Variants in FAM76B observed in about 807,000 individuals in gnomAD.
FAM76B encodes protein FAM76B.
A neutral mutation model predicts 51.8 loss-of-function variants in FAM76B; 16 were observed. The observed-to-expected ratio is 0.31, with a 90% CI of 0.21 to 0.47. The LOEUF is 0.47. FAM76B is among the 20% of genes least tolerant of loss of function. The pLI, the probability that FAM76B is intolerant of heterozygous loss-of-function variation, is 1.00. For missense variants in FAM76B, 342 were observed against 392.6 expected, an observed-to-expected ratio of 0.87 and a Z score of 1.09; for synonymous variants, 166 against 129.5, an observed-to-expected ratio of 1.28 and a Z score of -1.91.
intron 7 of FAM76B, chr11:95,779,267 A>G (rs1591015764): frequency 2.9e-6 from 2 of 695,122 alleles, no homozygotes; most frequent in Admixed American, 2.8e-5. Flanking sequence ...CGCTCATAAT[A>G]TTTTTAATCT....
chr11:95,788,481 A>C lies in FAM76B; in HGVS notation c.152+18T>G, dbSNP rs761305108. ...CAACACTTGTCTTTAACAGTCAAAAACTATTCAGTATACAAACCTCTCTTG... is the reference window on the plus strand; with the variant it reads ...CAACACTTGTCTTTAACAGTCAAAACCTATTCAGTATACAAACCTCTCTTG... On this transcript the variant is annotated intron_variant, in intron 2 of 9. Coordinates refer to ENST00000358780, the MANE Select transcript of FAM76B (RefSeq NM_144664.5). 11 of 1,583,894 alleles carry C rather than the reference A, an allele frequency of 6.9e-6. No individual in the cohort carries two copies. The highest frequency in any genetic ancestry group is 9.5e-6 in the Non-Finnish European group (11 of 1,154,468).
rs1860672311 is a variant in FAM76B, at chr11:95,787,604, A to C, written c.207+20T>G. ...AATATTAACTGGTAACAATGACATG[A>C]AAACATAAGACATACTTACCGTCCC... On this transcript the variant is annotated intron_variant, in intron 3 of 9. Transcript: ENST00000358780. The C allele has an allele frequency of 6.2e-7, 1 of 1,605,978 alleles. No individual in the cohort carries two copies. The highest frequency in any genetic ancestry group is 1.7e-4 in the Middle Eastern group (1 of 6,046).
At chr11:95,784,866 C>T (rs943948190) in intron 4 of FAM76B, among the ~76,000 whole-genome samples, 1 of 152,120 alleles carries the variant, frequency 6.6e-6, no homozygotes, top group Admixed American at 6.5e-5. Context: ...GGATTACAAG[C>T]ATGAGCCACC....
At chr11:95,782,910 AT>A (rs1189050457) in intron 5 of FAM76B, among the ~76,000 whole-genome samples, 154 bp downstream of exon 5, 15 of 152,248 alleles carry the variant, frequency 9.9e-5, no homozygotes, top group African/African-American at 3.6e-4. Flanking sequence ...TCTACACTGA[AT>A]AAAATGGAGA....
chr11:95,784,627 G>A (rs1340371541), intron 4 of FAM76B, among the ~76,000 whole-genome samples: 4 of 145,044 alleles, frequency 2.8e-5, no homozygotes, highest in African/African-American at 5.2e-5. Flanking sequence ...AGTCTCTGTC[G>A]CCCAGGCTGG....
rs200906102 is a variant in FAM76B at position 95,783,095 on chromosome 11, T to G, written c.533A>C (p.His178Pro). The change falls in exon 5 of 10, where the codon CAT becomes CCT. Residue 178 changes from histidine (H) to proline (P), a missense_variant. Transcript: ENST00000358780. ...HPKHHHHHHH[H>P]HHRHSSSHHK... ...ATGGCTACTGCTGTGACGATGGTGATGGTGATGATGGTGGTGATGATGTTT... is the reference window on the plus strand; with the variant it reads ...ATGGCTACTGCTGTGACGATGGTGAGGGTGATGATGGTGGTGATGATGTTT... 1.3e-4 allele frequency: 213 copies of G among 1,613,394 alleles called. 1 individual carries two copies. Among genetic ancestry groups the G allele is most frequent in the Non-Finnish European group, 1.7e-4 (203 of 1,179,594 alleles).
chr11:95,786,914 A>C (rs962445501), intron 3 of FAM76B: 1 of 152,348 alleles, frequency 6.6e-6, no homozygotes, highest in Non-Finnish European at 1.5e-5. Context: ...TACATATAAG[A>C]CAATTTGTAC....
In FAM76B at chr11:95,789,421, C is replaced by T; in HGVS notation, c.58G>A (p.Glu20Lys). ...CAGAGCTGCTGGCCCTGGGAGAGCT[C>T]CTCGAAAGGATAACGCTGGGTACAC... ...TKCTQRYPFE[E>K]LSQGQQLCKE... The change falls in exon 1 of 10, where the codon GAG becomes AAG. Residue 20 changes from glutamate to lysine, a missense_variant. By Grantham distance (56) the Glu-to-Lys change is moderately conservative. Transcript: ENST00000358780. The T allele has an allele frequency of 6.2e-7, 1 of 1,608,280 alleles. No individual in the cohort carries two copies. Among genetic ancestry groups the T allele is most frequent in the Non-Finnish European group, 8.5e-7 (1 of 1,177,590 alleles).
Position 95,788,585 on chromosome 11 carries a change from G to A in FAM76B, c.88-22C>T, listed in dbSNP as rs202181301. 18 of 1,597,868 alleles carry A rather than the reference G, an allele frequency of 1.1e-5. No homozygotes were observed. The Middle Eastern group carries it at 5.0e-4, about 44-fold the overall frequency. ...ATTCCTGTAATAAGACAATACATTA[G>A]TCAGTATCTTTCTGAAAGTCCCAAA... On this transcript the variant is annotated intron_variant, in intron 1 of 9. Coordinates refer to ENST00000358780, the MANE Select transcript of FAM76B (RefSeq NM_144664.5).
At chr11:95,773,093 C>G (rs932197026) in intron 9 of FAM76B, among the ~76,000 whole-genome samples, 1 of 149,862 alleles carries the variant, frequency 6.7e-6, no homozygotes, top group African/African-American at 2.4e-5. Context: ...TATACTGATA[C>G]AAAATAGTTA....
Position 95,771,515 on chromosome 11 carries a change from T to C in FAM76B, c.*46A>G, listed in dbSNP as rs757652925. ...TTTAAGGGCTTCACAGAATTTTTTT[T>C]CCCCAAATTTACATTGTAAGAAGAA... is the stretch of plus-strand genomic sequence containing the variant. On this transcript the variant is annotated 3_prime_UTR_variant, in exon 10 of 10. Transcript: ENST00000358780. 3.6e-5 allele frequency: 55 copies of C among 1,516,598 alleles called. No homozygotes were observed. Among genetic ancestry groups the C allele is most frequent in the Middle Eastern group, 1.8e-4 (1 of 5,630 alleles). The allele number at this position is 1,516,598 out of a possible 1,614,324, so 93.9% of individuals were successfully genotyped here.
chr11:95,771,441 AAC>A lies in FAM76B; in HGVS notation c.*118_*119del. On this transcript the variant is annotated 3_prime_UTR_variant, in exon 10 of 10. Transcript: ENST00000358780. ...ATATCAATTACAAAAGTGAACAGGA[AAC>A]ACACCAATTCATTTGGTGTGCAAAA... is the stretch of plus-strand genomic sequence containing the variant. 1 of 637,924 alleles carries A rather than the reference AAC, an allele frequency of 1.6e-6. No homozygotes were observed. Among genetic ancestry groups the A allele is most frequent in the Non-Finnish European group, 2.7e-6 (1 of 371,250 alleles). The allele number at this position is 637,924 out of a possible 1,614,324, so 39.5% of individuals were successfully genotyped here.
rs769720945 is a variant in FAM76B, at chr11:95,789,495, C to T, written c.-17G>A. On this transcript the variant is annotated 5_prime_UTR_variant, in exon 1 of 10. Coordinates refer to ENST00000358780, the MANE Select transcript of FAM76B (RefSeq NM_144664.5). ...GGCCGCCATCCTGCTCCTCAGTCTC[C>T]TCCTCCGCCGCCGCCCGCTCCGAGG... 1.3e-6 allele frequency: 2 copies of T among 1,583,626 alleles called. No individual in the cohort carries two copies. Among genetic ancestry groups the T allele is most frequent in the Admixed American group, 3.5e-5 (2 of 56,640 alleles).
At position 95,788,994 on chromosome 11, in the gene FAM76B, T is replaced by C. The variant is rs1022080100; in HGVS notation, c.87+398A>G. ...CATCAGCTTTGCGGCTTCGGGTTCCTAGCAAGAAAGTGCAAAAACCGTCCC... is the reference window on the plus strand; with the variant it reads ...CATCAGCTTTGCGGCTTCGGGTTCCCAGCAAGAAAGTGCAAAAACCGTCCC... On this transcript the variant is annotated intron_variant, in intron 1 of 9. Transcript: ENST00000358780. 3.0e-5 allele frequency: 40 copies of C among 1,352,030 alleles called. No homozygotes were observed. The Admixed American group carries it at 4.0e-4, about 13-fold the overall frequency. 83.8% of individuals were successfully genotyped at this position (1,352,030 alleles called of 1,614,324 possible). A position where few individuals can be genotyped will look rare whatever the true frequency, so the allele number is the denominator to read the frequency against.
rs1860628782 is a variant in FAM76B at position 95,786,977 on chromosome 11, T to C, written c.207+647A>G. On this transcript the variant is annotated intron_variant, in intron 3 of 9. Transcript: ENST00000358780. ...AAATATCTTTAATTGCGCTGTTTTA[T>C]AAAAATAGTTCTGAGGAGGCTGTTC... Among the ~76,000 whole-genome samples, 4 of 152,296 alleles carry C rather than the reference T, an allele frequency of 2.6e-5. 1 individual carries two copies. The highest frequency in any genetic ancestry group is 4.1e-4 in the South Asian group (2 of 4,828).
In FAM76B at chr11:95,787,698, T is replaced by C. The variant is rs544282774; in HGVS notation, c.153-20A>G. 1.8e-5 allele frequency: 29 copies of C among 1,575,970 alleles called. No homozygotes were observed. The highest frequency in any genetic ancestry group is 1.4e-4 in the South Asian group (12 of 88,066). ...GTTTTGCTGAAAAATAAATTGTATA[T>C]AGATCATGTTTATGTAGCTTTCTAA... is the stretch of plus-strand genomic sequence containing the variant. On this transcript the variant is annotated intron_variant, in intron 2 of 9. Coordinates refer to ENST00000358780, the MANE Select transcript of FAM76B (RefSeq NM_144664.5).
At chr11:95,788,835 G>A in intron 1 of FAM76B, 1 of 1,434,862 alleles carries the variant, frequency 7.0e-7, no homozygotes, top group Non-Finnish European at 9.2e-7. Context: ...TTGGTTAAAT[G>A]TGAAACTACT....
At chr11:95,775,115 C>T (rs1859938835) in intron 9 of FAM76B, among the ~76,000 whole-genome samples, 1 of 150,990 alleles carries the variant, frequency 6.6e-6, no homozygotes, top group Non-Finnish European at 1.5e-5. Context: ...TTTAAAACTT[C>T]TTTCACCTTA....
intron 9 of FAM76B, among the ~76,000 whole-genome samples, chr11:95,774,592 C>T (rs988414157): frequency 6.6e-6 from 1 of 151,274 alleles, no homozygotes; most frequent in Non-Finnish European, 1.5e-5. Flanking sequence ...TCAAAGATCA[C>T]CAGGTGGAAG....
Sources: allele counts gnomAD v4.1 joint callset (sites outside exome capture counted in the v4.1 genomes callset), GRCh38; gene constraint gnomAD v4.1.1; transcripts MANE v1.5; gene names NCBI Gene and HGNC (gene_info 2026-07-23, HGNC 2026-07-21).